The following CDH18 variants were observed in gnomAD, a reference collection of about 807,000 sequenced individuals.
The protein encoded by CDH18 is cadherin-18.
A neutral mutation model predicts 67.9 loss-of-function variants in CDH18; 31 were observed. That is an observed-to-expected ratio of 0.46 (90% CI 0.34 to 0.62). The LOEUF (loss-of-function observed/expected upper bound fraction) is 0.62. CDH18 is among the 20% of genes least tolerant of loss of function. The pLI, the probability that CDH18 is intolerant of heterozygous loss-of-function variation, is 0.01. For synonymous variants in CDH18, 362 were observed against 347.2 expected, an observed-to-expected ratio of 1.04 and a Z score of -0.48; for missense variants, 890 against 975.5, an observed-to-expected ratio of 0.91 and a Z score of 1.17.
intron 2 of CDH18, among the ~76,000 whole-genome samples, chr5:19,996,549 T>C (rs1378517259): frequency 6.6e-6 from 1 of 152,050 alleles, no homozygotes; most frequent in African/African-American, 2.4e-5. Context: ...CCAACACCAT[T>C]AGTGAAGTGT....
At chr5:20,365,411 A>G (rs554998424) in intron 1 of CDH18, among the ~76,000 whole-genome samples, 21 of 152,324 alleles carry the variant, frequency 1.4e-4, no homozygotes, top group Admixed American at 2.6e-4. Flanking sequence ...TCAGTCCACA[A>G]GCAATTCCTG....
At position 20,395,505 on chromosome 5, in the gene CDH18, G is replaced by T. The variant is rs77807437; in HGVS notation, c.-579-140000C>A. Among the ~76,000 whole-genome samples, 832 of 152,234 alleles carry T rather than the reference G, an allele frequency of 5.5e-3. 12 individuals are homozygous for T. The highest frequency in any genetic ancestry group is 0.019 in the African/African-American group (791 of 41,534). ...TGGGTACATTGTAGACTACTCAAGT[G>T]ATGGGTGCACTAAAATTAGATTTTA... On this transcript the variant is annotated intron_variant, in intron 1 of 14. Transcript: ENST00000507958.
chr5:19,554,615 T>C lies in CDH18; in HGVS notation c.1254-10610A>G, dbSNP rs76739389. 9.5e-3 allele frequency among the ~76,000 whole-genome samples: 1,440 copies of C among 152,254 alleles called. 16 individuals carry two copies. Among genetic ancestry groups the C allele is most frequent in the Non-Finnish European group, 0.017 (1,126 of 68,016 alleles). On this transcript the variant is annotated intron_variant, in intron 8 of 12. Transcript: ENST00000382275. ...AAATACATAAGCTATTTGGATGTTA[T>C]TCCCCTGTTAGTAGATCTATAGAGT...
intron 2 of CDH18, among the ~76,000 whole-genome samples, chr5:20,077,537 C>G (rs927881791): frequency 1.3e-5 from 2 of 152,114 alleles, no homozygotes; most frequent in African/African-American, 4.8e-5. Flanking sequence ...AAATACAACT[C>G]CAGACATGAA....
chr5:19,699,349 C>T (rs950943318), intron 5 of CDH18, among the ~76,000 whole-genome samples: 1 of 152,036 alleles, frequency 6.6e-6, no homozygotes, highest in Non-Finnish European at 1.5e-5. Flanking sequence ...TAGTCAGGAT[C>T]CAGGGAGTGT....
intron 1 of CDH18, among the ~76,000 whole-genome samples, chr5:20,456,997 G>A (rs2150216236): frequency 6.6e-6 from 1 of 152,268 alleles, no homozygotes; most frequent in Non-Finnish European, 1.5e-5. Context: ...CTAACATTAT[G>A]TAAACCAAAA....
chr5:19,693,634 T>C (rs980564548), intron 5 of CDH18, among the ~76,000 whole-genome samples: 14 of 152,270 alleles, frequency 9.2e-5, no homozygotes, highest in East Asian at 1.9e-4. Flanking sequence ...TGGTGGCTCA[T>C]GCCTGTAATC....
intron 2 of CDH18, among the ~76,000 whole-genome samples, chr5:20,133,660 G>A (rs913012019): frequency 4.0e-5 from 6 of 151,748 alleles, no homozygotes; most frequent in Non-Finnish European, 7.4e-5. Context: ...ATTCTTACCC[G>A]TATCATTCTT....
chr5:19,599,166 A>G (rs1746662056), intron 6 of CDH18, among the ~76,000 whole-genome samples: 1 of 152,100 alleles, frequency 6.6e-6, no homozygotes, highest in South Asian at 2.1e-4. Flanking sequence ...GTGTATATAT[A>G]TTTACATACA....
intron 2 of CDH18, among the ~76,000 whole-genome samples, chr5:19,970,294 C>A (rs1452422527): frequency 1.3e-5 from 2 of 151,168 alleles, no homozygotes; most frequent in African/African-American, 4.9e-5. Context: ...AGTATTTTCC[C>A]TAAAAATTAC....
At chr5:19,484,251 A>G (rs1270026504) in intron 11 of CDH18, among the ~76,000 whole-genome samples, 2 of 152,212 alleles carry the variant, frequency 1.3e-5, no homozygotes. Context: ...TCTTTAATTC[A>G]TAGCTGAAAA....
At chr5:20,378,758 T>A (rs1204113804) in intron 1 of CDH18, among the ~76,000 whole-genome samples, 1 of 152,136 alleles carries the variant, frequency 6.6e-6, no homozygotes, top group Non-Finnish European at 1.5e-5. Flanking sequence ...AGTAGTTAGA[T>A]TTTAGCATTA....
intron 2 of CDH18, among the ~76,000 whole-genome samples, chr5:20,172,212 A>ACATGTATATATATATATATACATG (rs1192358410): frequency 7.9e-5 from 4 of 50,724 alleles, no homozygotes; most frequent in African/African-American, 3.5e-4. Context: ...ATATATATAT[A>ACATGTATATATATATATATACATG]TATATATATA....
At chr5:19,804,012 TC>T (rs1220806886) in intron 3 of CDH18, 1 of 151,742 alleles carries the variant, frequency 6.6e-6, no homozygotes, top group Non-Finnish European at 1.5e-5. Flanking sequence ...TCCCAGCTAC[TC>T]CGGAGGCTGA....
intron 1 of CDH18, among the ~76,000 whole-genome samples, chr5:20,345,191 G>C (rs963759011): frequency 6.6e-6 from 1 of 152,074 alleles, no homozygotes; most frequent in African/African-American, 2.4e-5. Context: ...CTTTGGGAGA[G>C]GTCAAATATT....
intron 2 of CDH18, among the ~76,000 whole-genome samples, chr5:20,108,711 T>G (rs571634697): frequency 6.6e-6 from 1 of 152,288 alleles, no homozygotes; most frequent in African/African-American, 2.4e-5. Flanking sequence ...TGCTGGTTCC[T>G]TCTGTTACTG....
chr5:19,476,633 A>G (rs1013140071), intron 12 of CDH18, among the ~76,000 whole-genome samples: 5 of 152,060 alleles, frequency 3.3e-5, no homozygotes, highest in African/African-American at 1.2e-4. Flanking sequence ...TTATAATTAA[A>G]TGAGGAGGCT....
rs535083069 is a variant in CDH18, at chr5:20,021,163, G to A, written c.-517-29149C>T. On this transcript the variant is annotated intron_variant, in intron 2 of 14. Coordinates refer to the CDH18 transcript ENST00000507958. ...TTGTTTTGTTCAGTCTCTCCCTTTT[G>A]GAACAGTTGTATTTACCCGATGCCT... Among the ~76,000 whole-genome samples the A allele has an allele frequency of 6.6e-5, 10 of 152,094 alleles. No individual in the cohort carries two copies. The East Asian group carries it at 1.7e-3, about 27-fold the overall frequency.
intron 1 of CDH18, among the ~76,000 whole-genome samples, chr5:20,362,923 C>T (rs1742200804): frequency 6.6e-6 from 1 of 152,106 alleles, no homozygotes; most frequent in East Asian, 1.9e-4. Context: ...GCTTAGCATA[C>T]TATTGAAAAA....
Sources: allele counts gnomAD v4.1 joint callset (sites outside exome capture counted in the v4.1 genomes callset), GRCh38; gene constraint gnomAD v4.1.1; transcripts MANE v1.5; gene names NCBI Gene and HGNC (gene_info 2026-07-23, HGNC 2026-07-21).